The following ASIC2 variants were observed in gnomAD, a reference collection of about 807,000 sequenced individuals.
ASIC2 encodes the protein acid-sensing ion channel 2.
ASIC2 carries 25 observed loss-of-function variants against 57.3 expected under a neutral mutation model. The ratio of observed to expected loss-of-function variants is 0.44; its 90% CI spans 0.32 to 0.61. The LOEUF is 0.61. Among genes scored for constraint, ASIC2 ranks in the 20% least tolerant of loss-of-function variants. The probability of loss-of-function intolerance (pLI) is 0.06; values close to 1 mark genes in which losing one functional copy is unlikely to be tolerated. For synonymous variants in ASIC2, 319 were observed against 307.5 expected, an observed-to-expected ratio of 1.04 and a Z score of -0.39; for missense variants, 641 against 738.1, an observed-to-expected ratio of 0.87 and a Z score of 1.52.
At chr17:33,151,974 G>C (rs990681799) in intron 1 of ASIC2, among the ~76,000 whole-genome samples, 14 of 152,190 alleles carry the variant, frequency 9.2e-5, no homozygotes, top group African/African-American at 3.4e-4. Flanking sequence ...CTTAATAAAT[G>C]TTGTTTCCCC....
At chr17:33,797,427 G>A (rs1911949369) in intron 1 of ASIC2, among the ~76,000 whole-genome samples, 1 of 152,148 alleles carries the variant, frequency 6.6e-6, no homozygotes, top group South Asian at 2.1e-4. Context: ...CAGAATGGCT[G>A]GGGGAAATAG....
intron 1 of ASIC2, among the ~76,000 whole-genome samples, chr17:33,528,462 T>A (rs978246926): frequency 1.3e-5 from 2 of 151,926 alleles, no homozygotes. Flanking sequence ...ATGAAAAAAA[T>A]TTTCGACATA....
chr17:33,591,957 G>C (rs950955872), intron 1 of ASIC2, among the ~76,000 whole-genome samples: 2 of 152,138 alleles, frequency 1.3e-5, no homozygotes, highest in Non-Finnish European at 2.9e-5. Context: ...TGCCATACCT[G>C]CCCTGCCTCT....
chr17:33,270,863 G>T (rs1250196492), intron 1 of ASIC2, among the ~76,000 whole-genome samples: 2 of 152,226 alleles, frequency 1.3e-5, no homozygotes, highest in Non-Finnish European at 2.9e-5. Context: ...CTCTATGCCA[G>T]GCCCAGTGCT....
At chr17:34,155,868 G>A (rs1016732936) in intron 1 of ASIC2, 22 of 1,286,952 alleles carry the variant, frequency 1.7e-5, no homozygotes, top group Middle Eastern at 2.6e-4. Context: ...GTGAGGCACT[G>A]CTCTCTCTCC....
chr17:33,091,104 T>A (rs1407175101), intron 2 of ASIC2, among the ~76,000 whole-genome samples: 1 of 152,182 alleles, frequency 6.6e-6, no homozygotes, highest in Non-Finnish European at 1.5e-5. Context: ...CATATTTTAT[T>A]CAGTCCAGGG....
intron 1 of ASIC2, among the ~76,000 whole-genome samples, chr17:34,008,400 C>T (rs928443094): frequency 6.6e-6 from 1 of 152,174 alleles, no homozygotes. Flanking sequence ...AGATGACACC[C>T]AGGGGAGGGA....
rs1186836488 is a variant in ASIC2 at position 33,184,762 on chromosome 17, G to A, written c.709-72695C>T. On this transcript the variant is annotated intron_variant, in intron 1 of 9. Transcript: ENST00000225823. ...TCCAAAGTAAGTGGCCTGGAAACCTGTGGCCTCACTGGGTTTGCTCCAATT... is the reference window on the plus strand; with the variant it reads ...TCCAAAGTAAGTGGCCTGGAAACCTATGGCCTCACTGGGTTTGCTCCAATT... 5.3e-5 allele frequency among the ~76,000 whole-genome samples: 8 copies of A among 152,170 alleles called. 1 individual carries two copies. In the East Asian group the frequency reaches 1.5e-3, roughly 29 times the overall value.
intron 1 of ASIC2, among the ~76,000 whole-genome samples, chr17:33,943,893 TTTC>T (rs1227030781): frequency 1.2e-4 from 19 of 152,180 alleles, no homozygotes; most frequent in Admixed American, 5.2e-4. Context: ...GTGCTTGCAG[TTTC>T]TTCTTCTGAT....
intron 1 of ASIC2, among the ~76,000 whole-genome samples, chr17:33,709,523 G>A (rs1265196989): frequency 6.6e-6 from 1 of 152,174 alleles, no homozygotes; most frequent in East Asian, 1.9e-4. Context: ...CCAGAACAGG[G>A]CCCTCACTCA....
At chr17:33,746,856 C>A (rs959556823) in intron 1 of ASIC2, among the ~76,000 whole-genome samples, 1 of 151,902 alleles carries the variant, frequency 6.6e-6, no homozygotes, top group Non-Finnish European at 1.5e-5. Flanking sequence ...TCACTGATTA[C>A]AATGGGATGA....
intron 1 of ASIC2, among the ~76,000 whole-genome samples, chr17:33,221,221 C>T (rs1392701669): frequency 6.6e-6 from 1 of 152,186 alleles, no homozygotes; most frequent in Non-Finnish European, 1.5e-5. Context: ...CACTTTCCCA[C>T]TCTGGGTTTC....
At chr17:34,106,374 A>G (rs549229476) in intron 1 of ASIC2, among the ~76,000 whole-genome samples, 1 of 152,200 alleles carries the variant, frequency 6.6e-6, no homozygotes, top group Non-Finnish European at 1.5e-5. Flanking sequence ...TTCAGTATCC[A>G]TTGATTATTT....
intron 1 of ASIC2, among the ~76,000 whole-genome samples, chr17:33,284,636 G>A (rs1292382249): frequency 6.6e-6 from 1 of 152,190 alleles, no homozygotes; most frequent in Non-Finnish European, 1.5e-5. Flanking sequence ...ATCTCTGAGT[G>A]TTGGCAGAAT....
chr17:33,423,091 G>T (rs76411859), intron 1 of ASIC2, among the ~76,000 whole-genome samples: 2 of 152,230 alleles, frequency 1.3e-5, no homozygotes, highest in East Asian at 3.9e-4. Context: ...CACTGTTGGG[G>T]GCTCGCACCA....
At chr17:33,881,371 CA>C (rs1914696185) in intron 1 of ASIC2, among the ~76,000 whole-genome samples, 1 of 152,188 alleles carries the variant, frequency 6.6e-6, no homozygotes, top group South Asian at 2.1e-4. Context: ...CCCATCGTCT[CA>C]GCCCAAAATC....
intron 1 of ASIC2, among the ~76,000 whole-genome samples, chr17:34,000,250 A>ATTTTTTTTTTT (rs199804905): frequency 8.4e-6 from 1 of 119,202 alleles, no homozygotes; most frequent in Admixed American, 8.6e-5. Context: ...GTGGAGATCT[A>ATTTTTTTTTTT]TTTTTTTTTT....
Position 33,799,463 on chromosome 17 carries a change from TTTCTTTCTTTCTTTCC to T in ASIC2, c.555+356499_555+356514del, listed in dbSNP as rs1597881044. ...CTTTCTTTCTTTCTTTCTTTCTTTC[TTTCTTTCTTTCTTTCC>T]TTCTTTCTTTCTTTCTTACTTTCTT... is the stretch of plus-strand genomic sequence containing the variant. On this transcript the variant is annotated intron_variant, in intron 1 of 9. Coordinates refer to the ASIC2 transcript ENST00000359872. Among the ~76,000 whole-genome samples the T allele has an allele frequency of 1.1e-4, 13 of 121,290 alleles. No individual in the cohort carries two copies. In the East Asian group the frequency reaches 1.4e-3, roughly 13 times the overall value. 79.6% of individuals were successfully genotyped at this position (121,290 alleles called of 152,430 possible). A position where few individuals can be genotyped will look rare whatever the true frequency, so the allele number is the denominator to read the frequency against.
chr17:34,154,643 G>C lies in ASIC2; in HGVS notation c.555+1335C>G, dbSNP rs558590798. ...ATCAAGAGGCTGGTGAATCCAAGAG[G>C]GGGTAGGGAATGGATGCAGCACAGG... On this transcript the variant is annotated intron_variant, in intron 1 of 9. Transcript: ENST00000359872. 9.8e-5 allele frequency among the ~76,000 whole-genome samples: 15 copies of C among 152,286 alleles called. No individual in the cohort carries two copies. The South Asian group carries it at 1.4e-3, about 15-fold the overall frequency.
Sources: allele counts gnomAD v4.1 joint callset (sites outside exome capture counted in the v4.1 genomes callset), GRCh38; gene constraint gnomAD v4.1.1; transcripts MANE v1.5; gene names NCBI Gene and HGNC (gene_info 2026-07-23, HGNC 2026-07-21).